Variants in C19orf44 observed in about 807,000 individuals in gnomAD.
The protein encoded by C19orf44 is uncharacterized protein C19orf44.
C19orf44 carries 43 observed loss-of-function variants against 50.7 expected under a neutral mutation model. That is an observed-to-expected ratio of 0.85 (90% confidence interval 0.66 to 1.09). The LOEUF is 1.09. C19orf44 is among the 50% of genes least tolerant of loss of function. The probability of loss-of-function intolerance (pLI) is 0.00; values close to 1 mark genes in which losing one functional copy is unlikely to be tolerated. For missense variants in C19orf44, 722 were observed against 836.2 expected, an observed-to-expected ratio of 0.86 and a Z score of 1.68; for synonymous variants, 298 against 334.7, an observed-to-expected ratio of 0.89 and a Z score of 1.20.
chr19:16,505,224 T>C (rs1274083448), intron 3 of C19orf44, among the ~76,000 whole-genome samples: 2 of 149,342 alleles, frequency 1.3e-5, no homozygotes, highest in African/African-American at 2.5e-5. Flanking sequence ...TTCTGTCTGT[T>C]TTTTTTTTGA....
chr19:16,498,202 C>G (rs1030608984), intron 1 of C19orf44, among the ~76,000 whole-genome samples: 9 of 152,164 alleles, frequency 5.9e-5, no homozygotes, highest in African/African-American at 2.2e-4. Flanking sequence ...AACTCTATGT[C>G]TAACCTTTTG....
At position 16,514,609 on chromosome 19, in the gene C19orf44, G is replaced by A; in HGVS notation, c.1848G>A (p.Leu616=). The A allele has an allele frequency of 6.2e-7, 1 of 1,600,678 alleles. No homozygotes were observed. Among genetic ancestry groups the A allele is most frequent in the Non-Finnish European group, 8.5e-7 (1 of 1,174,874 alleles). ...GCCGGCACCTGCACGCCTCCCTCCT[G>A]CGCTCCCTGGACGCGGACTCCTTCC... ...QASRHLHASL[L]RSLDADSFHY... Residue 616 remains leucine (L), a synonymous_variant, in exon 7 of 9, where the codon CTG becomes CTA. Transcript: ENST00000221671.
chr19:16,512,821 G>A (rs1039622212), intron 5 of C19orf44, among the ~76,000 whole-genome samples, 193 bp from the exon 6 acceptor site: 2 of 145,472 alleles, frequency 1.4e-5, no homozygotes, highest in East Asian at 2.0e-4. Context: ...ATCATGCCGT[G>A]CACTCCAGAC....
At chr19:16,517,011 TTC>T (rs2085541582) in intron 7 of C19orf44, among the ~76,000 whole-genome samples, 1 of 152,152 alleles carries the variant, frequency 6.6e-6, no homozygotes, top group Non-Finnish European at 1.5e-5. Flanking sequence ...ACCCCTCCCT[TTC>T]TCTGTCAGGG....
intron 4 of C19orf44, among the ~76,000 whole-genome samples, chr19:16,509,132 A>AT (rs1336732965): frequency 3.4e-5 from 5 of 146,550 alleles, no homozygotes; most frequent in Non-Finnish European, 6.0e-5. Flanking sequence ...AAATTTTTTA[A>AT]TTTTTTTTTT....
At position 16,520,577 on chromosome 19, in the gene C19orf44, G is replaced by C; in HGVS notation, c.*524G>C. 1 of 1,537,658 alleles carries C rather than the reference G, an allele frequency of 6.5e-7. No homozygotes were observed. Among genetic ancestry groups the C allele is most frequent in the Non-Finnish European group, 8.8e-7 (1 of 1,133,496 alleles). ...GCACCCAGCCCACCCTGGCCCTCAG[G>C]TTCCTAGACCACCCCAGATGCAGGG... On this transcript the variant is annotated 3_prime_UTR_variant, in exon 9 of 9. Transcript: ENST00000221671. This position sits in a 1 kb window ranked among gnomAD's most constrained non-coding sequence, Gnocchi z 4.0.
rs35035783 is a variant in C19orf44 at position 16,501,557 on chromosome 19, AT to A, written c.759+18del. 0.033 allele frequency: 35,852 copies of A among 1,076,166 alleles called. 2 individuals carry two copies. The highest frequency in any genetic ancestry group is 0.074 in the East Asian group (1,761 of 23,668). The allele number at this position is 1,076,166 out of a possible 1,614,324, so 66.7% of individuals were successfully genotyped here. ...AAGAAAGAAAACTATTTTCGGTGAG[AT>A]TTTTTTTTTTTGGTAAATTTATTTT... On this transcript the variant is annotated splice_region_variant and intron_variant, in intron 2 of 8. Coordinates refer to ENST00000221671, the MANE Select transcript of C19orf44 (RefSeq NM_032207.4).
chr19:16,497,253 G>T (rs948004367), intron 1 of C19orf44, among the ~76,000 whole-genome samples: 1 of 150,332 alleles, frequency 6.7e-6, no homozygotes, highest in Non-Finnish European at 1.5e-5. Flanking sequence ...GGCCCGATCT[G>T]CTTTCTGAGT....
At chr19:16,498,795 T>A (rs772098082) in intron 1 of C19orf44, among the ~76,000 whole-genome samples, 1 of 151,422 alleles carries the variant, frequency 6.6e-6, no homozygotes, top group South Asian at 2.1e-4. Flanking sequence ...CTCGGCCTCC[T>A]GAGTAGCTGG....
At chr19:16,507,004 A>T (rs760393424) in intron 4 of C19orf44, among the ~76,000 whole-genome samples, 2 of 151,852 alleles carry the variant, frequency 1.3e-5, no homozygotes, top group African/African-American at 2.4e-5. Flanking sequence ...AAAGCAAGTA[A>T]TGTTTCATTT....
rs2093411447 is a variant in C19orf44, at chr19:16,497,089, G to T, written c.-2+624G>T. Reference sequence around the variant, plus strand: ...GAGGTCAAGGGCTGCTGTGAGCTGTGATCATGCCACTGCACTCCGGCTAAT... The same window carrying T: ...GAGGTCAAGGGCTGCTGTGAGCTGTTATCATGCCACTGCACTCCGGCTAAT... On this transcript the variant is annotated intron_variant, in intron 1 of 8. Transcript: ENST00000221671. Among the ~76,000 whole-genome samples the T allele has an allele frequency of 2.0e-5, 3 of 152,170 alleles. No homozygotes were observed. In the South Asian group the frequency reaches 6.2e-4, roughly 31 times the overall value.
chr19:16,506,774 A>G lies in C19orf44; in HGVS notation c.1149A>G (p.Glu383=). The change falls in exon 4 of 9, where the codon GAA becomes GAG. Residue 383 remains glutamate, a splice_region_variant and synonymous_variant. Transcript: ENST00000221671. ...GTGAGAACTCCGATTTGGAACAGGA[A>G]GTAAGTACAACAAAGTCATTTTTCA... ...AVSENSDLEQ[E]EESAQRQKTA... 2 of 1,594,170 alleles carry G rather than the reference A, an allele frequency of 1.3e-6. No homozygotes were observed. Among genetic ancestry groups the G allele is most frequent in the Non-Finnish European group, 1.7e-6 (2 of 1,168,816 alleles).
intron 2 of C19orf44, among the ~76,000 whole-genome samples, chr19:16,502,650 T>C (rs1376242248): frequency 6.6e-6 from 1 of 152,152 alleles, no homozygotes; most frequent in African/African-American, 2.4e-5. Flanking sequence ...ACCTGTGGTC[T>C]TGGTCTCATG....
intron 5 of C19orf44, among the ~76,000 whole-genome samples, chr19:16,511,645 A>G (rs1048833953): frequency 3.3e-5 from 5 of 151,776 alleles, no homozygotes; most frequent in African/African-American, 9.7e-5. Flanking sequence ...CGGTGGCACA[A>G]TCTCGGCCCA....
intron 5 of C19orf44, 69 bp from the exon 6 acceptor site, chr19:16,512,945 G>A (rs770766030): frequency 9.3e-6 from 12 of 1,288,144 alleles, no homozygotes; most frequent in South Asian, 4.8e-5. Flanking sequence ...TTCCAGGGTC[G>A]TATCTGTGGA....
chr19:16,502,987 A>G, intron 2 of C19orf44, 78 bp from the exon 3 acceptor site: 1 of 349,862 alleles, frequency 2.9e-6, no homozygotes, highest in Admixed American at 8.0e-5. Context: ...ACCCTTTCTC[A>G]AAAAAAAAAA....
In C19orf44 at chr19:16,521,010, T is replaced by A. The variant is rs779091136; in HGVS notation, c.*957T>A. 1.4e-4 allele frequency: 147 copies of A among 1,035,316 alleles called. No homozygotes were observed. Among genetic ancestry groups the A allele is most frequent in the Non-Finnish European group, 2.1e-4 (137 of 667,376 alleles). The allele number at this position is 1,035,316 out of a possible 1,614,324, so 64.1% of individuals were successfully genotyped here. On this transcript the variant is annotated 3_prime_UTR_variant, in exon 9 of 9. Transcript: ENST00000221671. ...AGTTAATCCACAGAACCTTGGAGAG[T>A]ACATGGCCCTGTGGCTGTGGGCTCC...
chr19:16,518,867 ACTC>A, intron 8 of C19orf44: 1 of 414,350 alleles, frequency 2.4e-6, no homozygotes, highest in South Asian at 2.7e-5. Context: ...TGAAGAATTT[ACTC>A]GGGCGGAGGG....
chr19:16,519,037 G>T lies in C19orf44; in HGVS notation c.*41-1057G>T. 1.1e-6 allele frequency: 1 copy of T among 895,688 alleles called. No individual in the cohort carries two copies. The highest frequency in any genetic ancestry group is 1.7e-6 in the Non-Finnish European group (1 of 594,740). The allele number at this position is 895,688 out of a possible 1,614,324, so 55.5% of individuals were successfully genotyped here. On this transcript the variant is annotated intron_variant, in intron 8 of 8. Coordinates refer to ENST00000221671, the MANE Select transcript of C19orf44 (RefSeq NM_032207.4). This position sits in a 1 kb window ranked among gnomAD's most constrained non-coding sequence, Gnocchi z 6.0. ...CGCTGGTCTTCCTTCTCTTCCTGTG[G>T]CTCTCCACAAGTGGAGACGGTGTAA...
Sources: allele counts gnomAD v4.1 joint callset (sites outside exome capture counted in the v4.1 genomes callset), GRCh38; gene constraint gnomAD v4.1.1; non-coding constraint Gnocchi (gnomAD v3.1); transcripts MANE v1.5; gene names NCBI Gene and HGNC (gene_info 2026-07-23, HGNC 2026-07-21).